Variants in NR5A2 observed in about 807,000 individuals in gnomAD.
NR5A2 encodes nuclear receptor subfamily 5 group A member 2, also known as CYP7A promoter-binding factor.
NR5A2 carries 26 observed loss-of-function variants against 62.7 expected under a neutral mutation model. The observed-to-expected ratio is 0.41, with a 90% CI of 0.30 to 0.58. The LOEUF (loss-of-function observed/expected upper bound fraction) is 0.58, where lower values mean the gene tolerates loss of function less well. Among genes scored for constraint, NR5A2 ranks in the 20% least tolerant of loss-of-function variants. The pLI is 0.22. For missense variants in NR5A2, 541 were observed against 669.1 expected (o/e 0.81, Z 2.11); for synonymous variants, 246 against 241.7 (o/e 1.02, Z -0.16).
intron 5 of NR5A2, among the ~76,000 whole-genome samples, chr1:200,109,532 C>A (rs1571493133): frequency 6.6e-6 from 1 of 152,074 alleles, no homozygotes; most frequent in South Asian, 2.1e-4. Context: ...TGCCTCAAAT[C>A]CTTGTTTTTG....
At position 200,053,368 on chromosome 1, in the gene NR5A2, C is replaced by T. The variant is rs138464711; in HGVS notation, c.1110+4550C>T. 3.0e-3 allele frequency among the ~76,000 whole-genome samples: 455 copies of T among 152,218 alleles called. 1 individual carries two copies. The highest frequency in any genetic ancestry group is 0.011 in the African/African-American group (437 of 41,532). ...CAAAAGATACTCATTGCCTAGAAATCACAAGGTTTTTCAGAGCTAGAAGAG... is the reference window on the plus strand; with the variant it reads ...CAAAAGATACTCATTGCCTAGAAATTACAAGGTTTTTCAGAGCTAGAAGAG... On this transcript the variant is annotated intron_variant, in intron 5 of 7. Coordinates refer to ENST00000367362, the MANE Select transcript of NR5A2 (RefSeq NM_205860.3).
intron 5 of NR5A2, among the ~76,000 whole-genome samples, chr1:200,049,335 A>T (rs919431316): frequency 1.3e-5 from 2 of 152,162 alleles, no homozygotes; most frequent in African/African-American, 4.8e-5. Context: ...TTGCCTTGAC[A>T]TTAGGTTGGT....
chr1:200,049,771 C>T (rs1187444221), intron 5 of NR5A2, among the ~76,000 whole-genome samples: 1 of 152,020 alleles, frequency 6.6e-6, no homozygotes, highest in Admixed American at 6.6e-5. Flanking sequence ...TTACCTAGGA[C>T]AGGAGATTGA....
intron 5 of NR5A2, among the ~76,000 whole-genome samples, chr1:200,083,890 G>T (rs993582350): frequency 1.3e-5 from 2 of 151,694 alleles, no homozygotes; most frequent in African/African-American, 4.8e-5. Context: ...GCTTGAACCT[G>T]GGAGGTGGAG....
intron 7 of NR5A2, among the ~76,000 whole-genome samples, chr1:200,131,500 A>T (rs1364182935): frequency 6.6e-6 from 1 of 152,228 alleles, no homozygotes; most frequent in Non-Finnish European, 1.5e-5. Context: ...ATTTAGTGAG[A>T]TGATTTTTCA....
chr1:200,049,132 T>C (rs1380022184), intron 5 of NR5A2, among the ~76,000 whole-genome samples: 1 of 152,174 alleles, frequency 6.6e-6, no homozygotes, highest in Non-Finnish European at 1.5e-5. Context: ...GCTTAAAACA[T>C]TTCAAGTCAA....
At chr1:200,072,466 C>G (rs527374210) in intron 5 of NR5A2, among the ~76,000 whole-genome samples, 9 of 151,980 alleles carry the variant, frequency 5.9e-5, no homozygotes, top group Non-Finnish European at 1.3e-4. Flanking sequence ...TCAAAACACC[C>G]GAAGGCCAAA....
In NR5A2 at chr1:200,147,881, G is replaced by A. The variant is rs928595899; in HGVS notation, c.1379-26082G>A. 2 of 408,604 alleles carry A rather than the reference G, an allele frequency of 4.9e-6. No homozygotes were observed. The highest frequency in any genetic ancestry group is 2.8e-5 in the South Asian group (1 of 35,884). The allele number at this position is 408,604 out of a possible 1,614,324, so 25.3% of individuals were successfully genotyped here. A position where few individuals can be genotyped will look rare whatever the true frequency, so the allele number is the denominator to read the frequency against. On this transcript the variant is annotated intron_variant, in intron 7 of 7. Transcript: ENST00000367362. The surrounding 1 kb of genome is among the most constrained non-coding windows in gnomAD (Gnocchi z 4.9). ...TGCTTGTAGGCGCAGTCCCCGGAGCGGTGGCCGGCGCGCGGGGAGAAGCTG... is the reference window on the plus strand; with the variant it reads ...TGCTTGTAGGCGCAGTCCCCGGAGCAGTGGCCGGCGCGCGGGGAGAAGCTG...
chr1:200,055,706 C>G (rs548635670), intron 5 of NR5A2, among the ~76,000 whole-genome samples: 1 of 152,260 alleles, frequency 6.6e-6, no homozygotes, highest in East Asian at 1.9e-4. Context: ...TGCAAAGTAG[C>G]TAATCTGGGA....
Position 200,147,435 on chromosome 1 carries a change from T to C in NR5A2, c.1378+26480T>C, listed in dbSNP as rs909373135. On this transcript the variant is annotated intron_variant, in intron 7 of 7. Transcript: ENST00000367362. This position sits in a 1 kb window ranked among gnomAD's most constrained non-coding sequence, Gnocchi z 4.9. ...GAGATGCAGGCAGCTTATCTGTTTA[T>C]GGGGCTGCCTCCTCCAGTACACGGA... is the stretch of plus-strand genomic sequence containing the variant. The C allele has an allele frequency of 1.2e-5, 6 of 510,138 alleles. No individual in the cohort carries two copies. The highest frequency in any genetic ancestry group is 5.7e-5 in the African/African-American group (3 of 52,452). 31.6% of individuals were successfully genotyped at this position (510,138 alleles called of 1,614,324 possible). A position where few individuals can be genotyped will look rare whatever the true frequency, so the allele number is the denominator to read the frequency against.
intron 7 of NR5A2, among the ~76,000 whole-genome samples, chr1:200,126,564 G>GCACAAAA: frequency 6.6e-6 from 1 of 152,006 alleles, no homozygotes; most frequent in African/African-American, 2.4e-5. Flanking sequence ...AAAAATGCAA[G>GCACAAAA]CACAAAATTT....
At chr1:200,030,384 A>G (rs1661507674) in intron 1 of NR5A2, among the ~76,000 whole-genome samples, 1 of 152,190 alleles carries the variant, frequency 6.6e-6, no homozygotes, top group African/African-American at 2.4e-5. Context: ...CTGTGCTTGT[A>G]TAGAAAAGCA....
chr1:200,056,762 A>T (rs1358638991), intron 5 of NR5A2, among the ~76,000 whole-genome samples: 1 of 152,134 alleles, frequency 6.6e-6, no homozygotes, highest in Non-Finnish European at 1.5e-5. Context: ...CACATGTCTT[A>T]TGAGCGTCCT....
chr1:200,039,790 T>C lies in NR5A2; in HGVS notation c.197T>C (p.Met66Thr), dbSNP rs769258665. The C allele has an allele frequency of 3.1e-6, 5 of 1,600,478 alleles. No individual in the cohort carries two copies. Among genetic ancestry groups the C allele is most frequent in the East Asian group, 4.7e-5 (2 of 42,900 alleles). The change falls in exon 2 of 8, where the codon ATG becomes ACG. Residue 66 changes from methionine to threonine, a missense_variant. By Grantham distance (81) the Met-to-Thr change is moderately conservative. This residue lies in a region of NR5A2 where 108 missense variants were observed against 103.3 expected (regional missense o/e 1.05). Transcript: ENST00000367362. The surrounding 1 kb of genome is among the most constrained non-coding windows in gnomAD (Gnocchi z 5.1). The part of the protein sequence containing the change: ...HGEQGQMPEN[M>T]QVSQFKMVNY... ...GAACAGGGCCAGATGCCGGAAAACA[T>C]GCAAGGTAAGGAGGCGCCGCGCGGC...
chr1:200,177,057 TTGATTGTTAGCCGA>T lies in NR5A2; in HGVS notation c.*2849_*2862del, dbSNP rs1344981281. The T allele has an allele frequency of 2.0e-5, 3 of 152,258 alleles. No individual in the cohort carries two copies. The highest frequency in any genetic ancestry group is 7.2e-5 in the African/African-American group (3 of 41,456). 9.4% of individuals were successfully genotyped at this position (152,258 alleles called of 1,614,324 possible). A position where few individuals can be genotyped will look rare whatever the true frequency, so the allele number is the denominator to read the frequency against. On this transcript the variant is annotated 3_prime_UTR_variant, in exon 8 of 8. Transcript: ENST00000367362. ...GTTGACAAGTGAAGTTTCTCTAATG[TTGATTGTTAGCCGA>T]TTTGTAACCTGGCATTTACTTAGCA... is the stretch of plus-strand genomic sequence containing the variant.
At chr1:200,068,053 A>G (rs775005964) in intron 5 of NR5A2, among the ~76,000 whole-genome samples, 1 of 152,184 alleles carries the variant, frequency 6.6e-6, no homozygotes, top group Non-Finnish European at 1.5e-5. Flanking sequence ...CATAGACCCA[A>G]TTTGTTTTCC....
At chr1:200,044,586 C>T (rs1261639870) in intron 3 of NR5A2, 3 of 151,892 alleles carry the variant, frequency 2.0e-5, no homozygotes, top group Admixed American at 2.0e-4. Flanking sequence ...CACTATTTTT[C>T]AAAGTTTTTT....
chr1:200,062,151 C>T (rs1041840049), intron 5 of NR5A2, among the ~76,000 whole-genome samples: 1 of 151,896 alleles, frequency 6.6e-6, no homozygotes, highest in African/African-American at 2.4e-5. Context: ...CATACAGGCA[C>T]ACTCATATTC....
intron 7 of NR5A2, among the ~76,000 whole-genome samples, chr1:200,124,750 G>A (rs1666629674): frequency 6.6e-6 from 1 of 152,014 alleles, no homozygotes; most frequent in Non-Finnish European, 1.5e-5. Context: ...ACCAGCCTGG[G>A]CAACATAGGG....
Sources: gnomAD v4.1 joint callset for allele counts (sites outside exome capture counted in the v4.1 genomes callset) on GRCh38, gnomAD v4.1.1 for gene constraint, gnomAD v4.1.1 regional missense constraint, Gnocchi (gnomAD v3.1) non-coding constraint, MANE v1.5 for transcripts, NCBI Gene and HGNC (gene_info 2026-07-23, HGNC 2026-07-21) for gene names.